Variants in HMOX2 observed in about 807,000 individuals in gnomAD.
The protein encoded by HMOX2 is heme oxygenase 2.
A neutral mutation model predicts 33.7 loss-of-function variants in HMOX2; 30 were observed. The ratio of observed to expected loss-of-function variants is 0.89; its 90% CI spans 0.67 to 1.21. HMOX2 has a LOEUF of 1.21. Among genes scored for constraint, HMOX2 ranks in the 50% most tolerant of loss-of-function variants. The probability of loss-of-function intolerance (pLI) is 0.00; values close to 1 mark genes in which losing one functional copy is unlikely to be tolerated. For synonymous variants in HMOX2, 155 were observed against 155.0 expected (o/e 1.00, Z 0.00); for missense variants, 403 against 399.1 (o/e 1.01, Z -0.08).
At chr16:4,488,302 C>T (rs185772820) in intron 1 of HMOX2, among the ~76,000 whole-genome samples, 1 of 152,156 alleles carries the variant, frequency 6.6e-6, no homozygotes, top group East Asian at 1.9e-4. Flanking sequence ...TTTGAATTTC[C>T]TCTGAATAAT....
chr16:4,481,561 A>G (rs879342280), intron 1 of HMOX2, among the ~76,000 whole-genome samples: 4 of 152,164 alleles, frequency 2.6e-5, no homozygotes, highest in Admixed American at 1.3e-4. Flanking sequence ...TCGGGTACAT[A>G]AAGCTCTATC....
intron 1 of HMOX2, among the ~76,000 whole-genome samples, chr16:4,486,628 A>G (rs953369094): frequency 6.6e-6 from 1 of 152,222 alleles, no homozygotes; most frequent in African/African-American, 2.4e-5. Flanking sequence ...CCTAGCTGCC[A>G]GAAAACTCTG....
intron 1 of HMOX2, among the ~76,000 whole-genome samples, chr16:4,487,938 C>A (rs564577893): frequency 2.3e-5 from 3 of 129,808 alleles, no homozygotes; most frequent in Non-Finnish European, 3.1e-5. Context: ...GCAACAAGAG[C>A]GAAACTCTGT....
chr16:4,478,869 C>G (rs2057941881), intron 1 of HMOX2, among the ~76,000 whole-genome samples: 1 of 151,358 alleles, frequency 6.6e-6, no homozygotes, highest in Non-Finnish European at 1.5e-5. Flanking sequence ...AAAAACTTGA[C>G]CTAGACTGGG....
chr16:4,506,847 A>G, intron 2 of HMOX2, 48 bp from the exon 3 acceptor site: 1 of 1,367,072 alleles, frequency 7.3e-7, no homozygotes, highest in Non-Finnish European at 1.0e-6. Context: ...CTTTCTGGAA[A>G]GCTGGGAAGG....
chr16:4,483,588 A>T (rs1013756887), intron 1 of HMOX2: 2 of 152,176 alleles, frequency 1.3e-5, no homozygotes, highest in African/African-American at 4.8e-5. Flanking sequence ...CCTAGGGTGC[A>T]GATCAAATAT....
intron 1 of HMOX2, among the ~76,000 whole-genome samples, chr16:4,480,651 A>ATT (rs776262645): frequency 0.016 from 1,924 of 119,504 alleles, 41 homozygotes; most frequent in African/African-American, 0.042. Flanking sequence ...AGGGCCTACT[A>ATT]TTTTTTTTTT....
intron 3 of HMOX2, 45 bp from the exon 4 acceptor site, chr16:4,507,668 G>A: frequency 6.3e-7 from 1 of 1,589,424 alleles, no homozygotes; most frequent in Non-Finnish European, 8.6e-7. Context: ...CTGCTCGGAT[G>A]TGGTGTGCTC....
chr16:4,476,850 G>A (rs906610494), intron 1 of HMOX2, among the ~76,000 whole-genome samples: 1 of 152,226 alleles, frequency 6.6e-6, no homozygotes, highest in African/African-American at 2.4e-5. Flanking sequence ...GGTGACCCCC[G>A]GGGTCGTAGC....
intron 1 of HMOX2, among the ~76,000 whole-genome samples, chr16:4,487,204 G>T (rs1281245779): frequency 1.3e-5 from 2 of 152,066 alleles, no homozygotes; most frequent in African/African-American, 4.8e-5. Context: ...GCTGCAGTGA[G>T]CTCTGATTGA....
chr16:4,476,236 C>A (rs1157951422), upstream of HMOX2: 1 of 152,286 alleles, frequency 6.6e-6, no homozygotes, highest in Non-Finnish European at 1.5e-5. Context: ...CGCCTACTTA[C>A]CCCGCTGAGC....
chr16:4,492,694 G>T (rs961567455), intron 1 of HMOX2, among the ~76,000 whole-genome samples: 4 of 151,862 alleles, frequency 2.6e-5, no homozygotes, highest in African/African-American at 9.7e-5. Context: ...ACTCCAGCCT[G>T]GCGACAGAGT....
At chr16:4,503,381 C>T (rs1228813957) in intron 1 of HMOX2, among the ~76,000 whole-genome samples, 2 of 152,214 alleles carry the variant, frequency 1.3e-5, no homozygotes, top group Non-Finnish European at 2.9e-5. Flanking sequence ...CCTCTGCATA[C>T]TCTTCCCTGC....
intron 1 of HMOX2, among the ~76,000 whole-genome samples, chr16:4,503,991 G>C (rs540339347): frequency 6.8e-4 from 104 of 152,350 alleles, no homozygotes; most frequent in Admixed American, 1.2e-3. Flanking sequence ...TCATGTGGAA[G>C]ATTCCCCAAA....
At chr16:4,486,589 G>C (rs537709746) in intron 1 of HMOX2, among the ~76,000 whole-genome samples, 2 of 152,308 alleles carry the variant, frequency 1.3e-5, no homozygotes, top group South Asian at 4.1e-4. Context: ...AACTGGAAAT[G>C]ATATGTGAAA....
intron 1 of HMOX2, chr16:4,496,643 A>G (rs974554649): frequency 6.6e-6 from 1 of 152,164 alleles, no homozygotes; most frequent in Non-Finnish European, 1.5e-5. Flanking sequence ...AGAATGACTC[A>G]AGTTTAGTCT....
At chr16:4,484,508 T>A (rs1025567438) in intron 1 of HMOX2, among the ~76,000 whole-genome samples, 1 of 148,168 alleles carries the variant, frequency 6.7e-6, no homozygotes, top group Non-Finnish European at 1.5e-5. Flanking sequence ...TCACCCAGGC[T>A]GGAGTGCAGT....
chr16:4,475,393 C>T (rs2057791905), upstream of HMOX2, among the ~76,000 whole-genome samples: 1 of 151,742 alleles, frequency 6.6e-6, no homozygotes, highest in African/African-American at 2.4e-5. Flanking sequence ...CTGCAACTTC[C>T]GCCTCTTGGG....
intron 1 of HMOX2, among the ~76,000 whole-genome samples, chr16:4,486,949 T>C (rs1433300359): frequency 6.6e-6 from 1 of 152,116 alleles, no homozygotes; most frequent in Non-Finnish European, 1.5e-5. Flanking sequence ...TGGCCATTTG[T>C]GTAGGGTTTT....
Sources: gnomAD v4.1 joint callset for allele counts (sites outside exome capture counted in the v4.1 genomes callset) on GRCh38, gnomAD v4.1.1 for gene constraint, MANE v1.5 for transcripts, NCBI Gene and HGNC (gene_info 2026-07-23, HGNC 2026-07-21) for gene names.